CELSR1: variants seen among roughly 807,000 people sequenced by gnomAD.
CELSR1 encodes the protein adhesion G protein-coupled receptor C1.
CELSR1 carries 110 observed loss-of-function variants against 249.1 expected under a neutral mutation model. The ratio of observed to expected loss-of-function variants is 0.44; its 90% CI spans 0.38 to 0.52. The LOEUF is 0.52. Among genes scored for constraint, CELSR1 ranks in the 20% least tolerant of loss-of-function variants. CELSR1 has a pLI of 0.00. For synonymous variants in CELSR1, 2,113 were observed against 1,900.0 expected (o/e 1.11, Z -2.92); for missense variants, 4,109 against 4,296.4 (o/e 0.96, Z 1.22).
At chr22:46,476,783 C>T (rs1005105069) in intron 1 of CELSR1, among the ~76,000 whole-genome samples, 1 of 151,838 alleles carries the variant, frequency 6.6e-6, no homozygotes, top group Non-Finnish European at 1.5e-5. Flanking sequence ...CAAGAGGGAC[C>T]AGAAGTGATT....
chr22:46,373,719 G>GATGGGAGCA lies in CELSR1; in HGVS notation c.7585-671_7585-663dup, dbSNP rs1435971201. Among the ~76,000 whole-genome samples, 170 of 138,248 alleles carry GATGGGAGCA rather than the reference G, an allele frequency of 1.2e-3. 1 individual carries two copies. Among genetic ancestry groups the GATGGGAGCA allele is most frequent in the African/African-American group, 4.9e-3 (145 of 29,294 alleles). 90.7% of individuals were successfully genotyped at this position (138,248 alleles called of 152,430 possible). On this transcript the variant is annotated intron_variant, in intron 24 of 34. Coordinates refer to ENST00000674500, the MANE Select transcript of CELSR1 (RefSeq NM_001378328.1). The stretch of plus-strand genomic sequence containing the variant: ...AGGGGGAGATGGGGGAGATGGGGGA[G>GATGGGAGCA]ATGGGAGCAATGGGAGCAATAGGAG...
rs182516958 is a variant in CELSR1 at position 46,519,663 on chromosome 22, G to C, written c.3544+13964C>G. On this transcript the variant is annotated intron_variant, in intron 1 of 34. Coordinates refer to ENST00000674500, the MANE Select transcript of CELSR1 (RefSeq NM_001378328.1). ...CCCAGGGACCCCCTCCCATGCCCCT[G>C]AGATGCAAGGTCCCAGAACCTGCAG... Among the ~76,000 whole-genome samples, 155 of 152,286 alleles carry C rather than the reference G, an allele frequency of 1.0e-3. 1 individual carries two copies. The highest frequency in any genetic ancestry group is 3.6e-3 in the African/African-American group (151 of 41,560).
Position 46,391,353 on chromosome 22 carries a change from C to A in CELSR1, c.6149-66G>T. ...CACACCCACGACCACAAACAGGCACCACTGTCTGCATGCGCCTCCCTGCAG... is the reference window on the plus strand; with the variant it reads ...CACACCCACGACCACAAACAGGCACAACTGTCTGCATGCGCCTCCCTGCAG... On this transcript the variant is annotated intron_variant, in intron 15 of 34. Coordinates refer to ENST00000674500, the MANE Select transcript of CELSR1 (RefSeq NM_001378328.1). This position sits in a 1 kb window ranked among gnomAD's most constrained non-coding sequence, Gnocchi z 4.3. 1.4e-6 allele frequency: 2 copies of A among 1,413,852 alleles called. 1 individual carries two copies. Among genetic ancestry groups the A allele is most frequent in the Middle Eastern group, 3.5e-4 (2 of 5,672 alleles). 87.6% of individuals were successfully genotyped at this position (1,413,852 alleles called of 1,614,324 possible). A position where few individuals can be genotyped will look rare whatever the true frequency, so the allele number is the denominator to read the frequency against.
chr22:46,397,751 G>A lies in CELSR1; in HGVS notation c.5624C>T (p.Pro1875Leu), dbSNP rs756834191. 1 of 1,599,156 alleles carries A rather than the reference G, an allele frequency of 6.3e-7. No homozygotes were observed. Among genetic ancestry groups the A allele is most frequent in the African/African-American group, 1.3e-5 (1 of 74,422 alleles). ...RVKDGCDVDD[P>L]CTSSPCPPNS... Reference sequence around the variant, plus strand: ...GGGGGGACAGGGGCTCGAGGTACAGGGGTCGTCCACATCACAGCCGTCCTT... The same window carrying A: ...GGGGGGACAGGGGCTCGAGGTACAGAGGTCGTCCACATCACAGCCGTCCTT... Residue 1875 changes from proline to leucine, a missense_variant, in exon 12 of 35, where the codon CCC (proline) becomes CTC (leucine). By Grantham distance (98) the Pro-to-Leu change is moderately conservative (BLOSUM62 -3). Coordinates refer to ENST00000674500, the MANE Select transcript of CELSR1 (RefSeq NM_001378328.1).
At chr22:46,442,756 C>A (rs1197329292) in intron 2 of CELSR1, among the ~76,000 whole-genome samples, 2 of 152,188 alleles carry the variant, frequency 1.3e-5, no homozygotes, top group Non-Finnish European at 2.9e-5. Context: ...CTGCTTCCCC[C>A]AGGCATCTCC....
rs143511240 is a variant in CELSR1, at chr22:46,533,024, G to A, written c.3544+603C>T. Among the ~76,000 whole-genome samples the A allele has an allele frequency of 4.7e-3, 710 of 152,284 alleles. 7 individuals are homozygous for A. The highest frequency in any genetic ancestry group is 0.016 in the African/African-American group (679 of 41,564). ...CACCCAAATTACAAGCCCGCATCCAGGAGCAGAAGCCAAGATCAAATGAGG... is the reference window on the plus strand; with the variant it reads ...CACCCAAATTACAAGCCCGCATCCAAGAGCAGAAGCCAAGATCAAATGAGG... On this transcript the variant is annotated intron_variant, in intron 1 of 34. Transcript: ENST00000674500.
At chr22:46,365,812 C>T (rs1369856473) in intron 30 of CELSR1, 123 bp from the exon 31 acceptor site, 13 of 390,588 alleles carry the variant, frequency 3.3e-5, no homozygotes, top group Admixed American at 5.0e-5. Context: ...ACAGACAAAA[C>T]AGCCTCCCGA....
At chr22:46,532,920 T>G (rs1346915176) in intron 1 of CELSR1, among the ~76,000 whole-genome samples, 1 of 152,188 alleles carries the variant, frequency 6.6e-6, no homozygotes, top group Non-Finnish European at 1.5e-5. Context: ...CTCTCCCTCC[T>G]GTTCACCTCC....
chr22:46,470,001 A>AGGAGGAGGGGAGGGAGGGAGGAT (rs1268852616), intron 1 of CELSR1, among the ~76,000 whole-genome samples: 1 of 11,996 alleles, frequency 8.3e-5, no homozygotes, highest in African/African-American at 3.8e-4. Context: ...GGAGGGAGGG[A>AGGAGGAGGGGAGGGAGGGAGGAT]GAGGCAAAGG....
chr22:46,466,680 T>C (rs927920553), intron 1 of CELSR1, among the ~76,000 whole-genome samples: 4 of 152,146 alleles, frequency 2.6e-5, no homozygotes, highest in African/African-American at 9.7e-5. Flanking sequence ...CCAAAACCAA[T>C]ACAGTCGACT....
At chr22:46,461,201 T>C (rs1435542051) in intron 2 of CELSR1, among the ~76,000 whole-genome samples, 2 of 152,158 alleles carry the variant, frequency 1.3e-5, no homozygotes, top group Non-Finnish European at 1.5e-5. Flanking sequence ...TAATCAGTCT[T>C]AATTAGCCTT....
rs1390731773 is a variant in CELSR1 at position 46,428,911 on chromosome 22, A to G, written c.4611+4482T>C. On this transcript the variant is annotated intron_variant, in intron 5 of 34. Coordinates refer to ENST00000674500, the MANE Select transcript of CELSR1 (RefSeq NM_001378328.1). The surrounding 1 kb of genome is among the most constrained non-coding windows in gnomAD (Gnocchi z 5.7). ...GGAGACTGTGCTCCAGGCTCTGGGC[A>G]GGCTCAGCTGGCTTTAGAAGATGCC... Among the ~76,000 whole-genome samples the G allele has an allele frequency of 1.3e-5, 2 of 152,148 alleles. No homozygotes were observed. The highest frequency in any genetic ancestry group is 6.5e-5 in the Admixed American group (1 of 15,284).
Position 46,468,412 on chromosome 22 carries a change from C to A in CELSR1, c.3545-4067G>T, listed in dbSNP as rs935854268. Reference sequence around the variant, plus strand: ...AAAAAAAAAAAAAATGTGGTCCATGCATACTATGGAATATTATCCAGCCTT... The same window carrying A: ...AAAAAAAAAAAAAATGTGGTCCATGAATACTATGGAATATTATCCAGCCTT... On this transcript the variant is annotated intron_variant, in intron 1 of 34. Coordinates refer to ENST00000674500, the MANE Select transcript of CELSR1 (RefSeq NM_001378328.1). This position sits in a 1 kb window ranked among gnomAD's most constrained non-coding sequence, Gnocchi z 4.5. Among the ~76,000 whole-genome samples, 3 of 150,938 alleles carry A rather than the reference C, an allele frequency of 2.0e-5. No homozygotes were observed. The highest frequency in any genetic ancestry group is 4.4e-5 in the Non-Finnish European group (3 of 67,890).
rs539138181 is a variant in CELSR1, at chr22:46,402,067, G to A, written c.5227-2165C>T. On this transcript the variant is annotated intron_variant, in intron 9 of 34. Transcript: ENST00000674500. This position sits in a 1 kb window ranked among gnomAD's most constrained non-coding sequence, Gnocchi z 5.0. ...CACGCCACCGCACTCCAGCCTGGGC[G>A]ATGGAGCGAGACTCCATCTCAAAAA... 3.3e-5 allele frequency among the ~76,000 whole-genome samples: 5 copies of A among 152,088 alleles called. No homozygotes were observed. Among genetic ancestry groups the A allele is most frequent in the African/African-American group, 7.2e-5 (3 of 41,404 alleles).
Position 46,385,975 on chromosome 22 carries a change from C to CTTTT in CELSR1, c.6739+423_6739+426dup, listed in dbSNP as rs562430150. Among the ~76,000 whole-genome samples the CTTTT allele has an allele frequency of 1.1e-3, 150 of 137,688 alleles. 5 individuals are homozygous for CTTTT. The highest frequency in any genetic ancestry group is 3.2e-3 in the African/African-American group (110 of 34,262). 90.3% of individuals were successfully genotyped at this position (137,688 alleles called of 152,430 possible). A position where few individuals can be genotyped will look rare whatever the true frequency, so the allele number is the denominator to read the frequency against. ...TACAGGCGTGAGCCACCGCGCCCGG[C>CTTTT]TTTTTTTTTTTTGAGATGGAGTCTC... On this transcript the variant is annotated intron_variant, in intron 19 of 34. Coordinates refer to ENST00000674500, the MANE Select transcript of CELSR1 (RefSeq NM_001378328.1).
At chr22:46,449,910 C>G (rs2079862956) in intron 2 of CELSR1, among the ~76,000 whole-genome samples, 1 of 152,106 alleles carries the variant, frequency 6.6e-6, no homozygotes, top group African/African-American at 2.4e-5. Context: ...CCTCCAGCCT[C>G]CAACATACAT....
intron 5 of CELSR1, among the ~76,000 whole-genome samples, chr22:46,415,205 C>A (rs564527183): frequency 3.9e-5 from 6 of 152,022 alleles, no homozygotes; most frequent in Non-Finnish European, 8.8e-5. Flanking sequence ...GCTGGAGTGC[C>A]GTGGCATGAT....
intron 24 of CELSR1, among the ~76,000 whole-genome samples, chr22:46,376,443 C>G (rs559990428): frequency 2.6e-5 from 4 of 152,202 alleles, no homozygotes; most frequent in Non-Finnish European, 5.9e-5. Flanking sequence ...GGCTCCATCT[C>G]TGCTCACTGC....
rs969156414 is a variant in CELSR1, at chr22:46,473,280, A to G, written c.3545-8935T>C. On this transcript the variant is annotated intron_variant, in intron 1 of 34. Transcript: ENST00000674500. This position sits in a 1 kb window ranked among gnomAD's most constrained non-coding sequence, Gnocchi z 6.6. ...TGACTCGGGCTGAGTGGCGGGGCCC[A>G]GATTAACCTGAGGCCAAGTCCCCAG... Among the ~76,000 whole-genome samples, 1 of 152,114 alleles carries G rather than the reference A, an allele frequency of 6.6e-6. No homozygotes were observed. Among genetic ancestry groups the G allele is most frequent in the Non-Finnish European group, 1.5e-5 (1 of 68,018 alleles).
Sources: gnomAD v4.1 joint callset for allele counts (sites outside exome capture counted in the v4.1 genomes callset) on GRCh38, gnomAD v4.1.1 for gene constraint, Gnocchi (gnomAD v3.1) non-coding constraint, MANE v1.5 for transcripts, NCBI Gene and HGNC (gene_info 2026-07-23, HGNC 2026-07-21) for gene names.